The following KHDRBS2 variants were observed in gnomAD, a reference collection of about 807,000 sequenced individuals.
The protein encoded by KHDRBS2 is KH domain-containing, RNA-binding, signal transduction-associated protein 2.
A neutral mutation model predicts 44.3 loss-of-function variants in KHDRBS2; 26 were observed. The ratio of observed to expected loss-of-function variants is 0.59; its 90% CI spans 0.43 to 0.81. KHDRBS2 has a LOEUF of 0.81. KHDRBS2 is among the 40% of genes least tolerant of loss of function. The pLI, the probability that KHDRBS2 is intolerant of heterozygous loss-of-function variation, is 0.00. For missense variants in KHDRBS2, 476 were observed against 433.1 expected (o/e 1.10, Z -0.88); for synonymous variants, 194 against 151.1 (o/e 1.28, Z -2.08).
At chr6:61,767,738 ACAAG>A (rs1780217977) in intron 6 of KHDRBS2, among the ~76,000 whole-genome samples, 1 of 152,172 alleles carries the variant, frequency 6.6e-6, no homozygotes, top group African/African-American at 2.4e-5. Flanking sequence ...TCATAAACAA[ACAAG>A]CAAAGAGAAA....
intron 3 of KHDRBS2, among the ~76,000 whole-genome samples, chr6:62,021,749 T>C (rs959836940): frequency 6.6e-6 from 1 of 151,654 alleles, no homozygotes; most frequent in African/African-American, 2.4e-5. Context: ...TAACATGATA[T>C]AAATATTAAA....
intron 3 of KHDRBS2, among the ~76,000 whole-genome samples, chr6:62,012,681 C>T (rs1780519899): frequency 6.6e-6 from 1 of 152,072 alleles, no homozygotes; most frequent in Admixed American, 6.6e-5. Flanking sequence ...CACTTCTGAC[C>T]CTCACATGGC....
chr6:62,065,780 TAA>T (rs57422009), intron 2 of KHDRBS2, among the ~76,000 whole-genome samples: 150 of 125,452 alleles, frequency 1.2e-3, no homozygotes, highest in African/African-American at 4.1e-3. Context: ...ACTTAAAGTA[TAA>T]AAAAAAAAAA....
chr6:61,974,876 A>G (rs1772201698), intron 4 of KHDRBS2, among the ~76,000 whole-genome samples: 1 of 151,954 alleles, frequency 6.6e-6, no homozygotes. Flanking sequence ...GGTTGCAGTG[A>G]GCCGAGATCG....
chr6:61,591,848 C>T, the KHDRBS2 span, among the ~76,000 whole-genome samples: 5 of 152,090 alleles, frequency 3.3e-5, no homozygotes, highest in South Asian at 4.1e-4. Flanking sequence ...TTTCCCTTTG[C>T]CTTCTGAAAG....
chr6:61,713,944 G>GA (rs1347111311), intron 7 of KHDRBS2, among the ~76,000 whole-genome samples: 1 of 151,728 alleles, frequency 6.6e-6, no homozygotes, highest in East Asian at 1.9e-4. Context: ...AAAAGCACTA[G>GA]AAAAAAACTT....
chr6:61,737,771 T>C (rs577678000), intron 6 of KHDRBS2, among the ~76,000 whole-genome samples: 1 of 152,144 alleles, frequency 6.6e-6, no homozygotes, highest in East Asian at 1.9e-4. Flanking sequence ...GATTCCCAGA[T>C]GTGGAAACTC....
rs140624162 is a variant in KHDRBS2, at chr6:62,177,226, G to C, written c.178C>G (p.Leu60Val). ...ACAGGAATCAGTACTCTTTCTGAGA[G>C]CTTTATGTTTTTGTTGCTGATGACA... ...LDVISNKNIK[L>V]SERVLIPVKQ... The change falls in exon 2 of 9, where the codon CTC becomes GTC. Residue 60 changes from leucine (L) to valine (V), a missense_variant. Coordinates refer to ENST00000281156, the MANE Select transcript of KHDRBS2 (RefSeq NM_152688.4). 1.4e-5 allele frequency: 22 copies of C among 1,593,566 alleles called. No homozygotes were observed. Among genetic ancestry groups the C allele is most frequent in the Admixed American group, 1.7e-5 (1 of 59,534 alleles).
At chr6:61,826,572 A>G (rs781755546) in intron 6 of KHDRBS2, among the ~76,000 whole-genome samples, 3 of 151,792 alleles carry the variant, frequency 2.0e-5, no homozygotes, top group Non-Finnish European at 2.9e-5. Context: ...CCCTTTGTTG[A>G]GCTCTTTTCA....
intron 6 of KHDRBS2, among the ~76,000 whole-genome samples, chr6:61,786,734 G>C (rs1337403821): frequency 1.3e-5 from 2 of 151,822 alleles, no homozygotes; most frequent in East Asian, 3.9e-4. Flanking sequence ...GCAGTTAGTC[G>C]TGGTAAGTAA....
At chr6:62,070,274 TG>T in intron 2 of KHDRBS2, among the ~76,000 whole-genome samples, 1 of 151,904 alleles carries the variant, frequency 6.6e-6, no homozygotes, top group Non-Finnish European at 1.5e-5. Flanking sequence ...TTTCTGTCTT[TG>T]TCTGGTTTTG....
At chr6:61,587,821 C>T in the KHDRBS2 span, among the ~76,000 whole-genome samples, 3 of 152,166 alleles carry the variant, frequency 2.0e-5, no homozygotes, top group Non-Finnish European at 4.4e-5. Flanking sequence ...CTGTCCCATG[C>T]ATACACATCA....
intron 4 of KHDRBS2, among the ~76,000 whole-genome samples, chr6:61,969,389 T>C (rs1001115566): frequency 1.2e-4 from 19 of 152,188 alleles, no homozygotes; most frequent in African/African-American, 4.6e-4. Flanking sequence ...AAAATATGTT[T>C]TATGCAGTGG....
At chr6:62,137,350 T>C (rs1811798623) in intron 2 of KHDRBS2, among the ~76,000 whole-genome samples, 1 of 152,120 alleles carries the variant, frequency 6.6e-6, no homozygotes, top group Admixed American at 6.5e-5. Context: ...TGCCTAATTG[T>C]TCTTTTAGAT....
At chr6:61,826,368 T>C (rs2099856630) in intron 6 of KHDRBS2, among the ~76,000 whole-genome samples, 1 of 152,060 alleles carries the variant, frequency 6.6e-6, no homozygotes, top group Admixed American at 6.6e-5. Context: ...GATGTATATC[T>C]CCCTCTGCCA....
chr6:61,847,788 T>A (rs1247896597), intron 6 of KHDRBS2, among the ~76,000 whole-genome samples: 2 of 152,118 alleles, frequency 1.3e-5, no homozygotes, highest in African/African-American at 4.8e-5. Flanking sequence ...TTTTTAACTA[T>A]ATTTCTTCAA....
chr6:61,956,577 C>A (rs1455242297), intron 4 of KHDRBS2, among the ~76,000 whole-genome samples: 1 of 152,098 alleles, frequency 6.6e-6, no homozygotes, highest in African/African-American at 2.4e-5. Flanking sequence ...CACCACCAAT[C>A]TCCCTTCCCT....
intron 1 of KHDRBS2, among the ~76,000 whole-genome samples, chr6:62,249,630 A>G (rs1007182576): frequency 2.6e-5 from 4 of 152,014 alleles, no homozygotes; most frequent in Non-Finnish European, 5.9e-5. Context: ...TTTCACATTT[A>G]CCTCCTATAG....
At position 62,230,608 on chromosome 6, in the gene KHDRBS2, A is replaced by G. The variant is rs190123702; in HGVS notation, c.92-53296T>C. ...GCGGAAAGTGATTACAACAGCTCCTAGCACTTAGAAGCAAATTTCTAATTA... is the reference window on the plus strand; with the variant it reads ...GCGGAAAGTGATTACAACAGCTCCTGGCACTTAGAAGCAAATTTCTAATTA... On this transcript the variant is annotated intron_variant, in intron 1 of 8. Transcript: ENST00000281156. Among the ~76,000 whole-genome samples the G allele has an allele frequency of 2.5e-3, 379 of 152,280 alleles. 3 individuals are homozygous for G. Among genetic ancestry groups the G allele is most frequent in the African/African-American group, 8.4e-3 (347 of 41,550 alleles).
Sources: allele counts gnomAD v4.1 joint callset (sites outside exome capture counted in the v4.1 genomes callset), GRCh38; gene constraint gnomAD v4.1.1; transcripts MANE v1.5; gene names NCBI Gene and HGNC (gene_info 2026-07-23, HGNC 2026-07-21).